The following ZDHHC14 variants were observed in gnomAD, a reference collection of about 807,000 sequenced individuals.
ZDHHC14 encodes the protein palmitoyltransferase ZDHHC14.
ZDHHC14 carries 16 observed loss-of-function variants against 47.7 expected under a neutral mutation model. That is an observed-to-expected ratio of 0.34 (90% CI 0.23 to 0.51). The LOEUF is 0.51. ZDHHC14 is among the 20% of genes least tolerant of loss of function. The pLI is 0.97. For synonymous variants in ZDHHC14, 293 were observed against 278.9 expected (o/e 1.05, Z -0.50); for missense variants, 515 against 662.5 (o/e 0.78, Z 2.44).
intron 1 of ZDHHC14, among the ~76,000 whole-genome samples, chr6:157,410,433 A>G (rs938902439): frequency 2.0e-5 from 3 of 152,230 alleles, no homozygotes; most frequent in African/African-American, 7.2e-5. Flanking sequence ...TTCTGAATGA[A>G]AAAGTAAGAA....
chr6:157,485,462 C>A (rs368944058), intron 1 of ZDHHC14, among the ~76,000 whole-genome samples: 5 of 152,244 alleles, frequency 3.3e-5, no homozygotes, highest in Admixed American at 1.3e-4. Context: ...TTAGCCCAAA[C>A]GTGATTTCTT....
chr6:157,408,544 T>C (rs1777813425), intron 1 of ZDHHC14, among the ~76,000 whole-genome samples: 1 of 152,198 alleles, frequency 6.6e-6, no homozygotes, highest in South Asian at 2.1e-4. Flanking sequence ...AGTGAGAACA[T>C]GTGGTGTTCG....
At chr6:157,458,559 A>G (rs557406805) in intron 1 of ZDHHC14, among the ~76,000 whole-genome samples, 1 of 152,342 alleles carries the variant, frequency 6.6e-6, no homozygotes, top group African/African-American at 2.4e-5. Flanking sequence ...TTTTAAAGAA[A>G]TCGCAAAAGA....
chr6:157,514,658 C>T (rs1026097554), intron 1 of ZDHHC14, among the ~76,000 whole-genome samples: 4 of 152,222 alleles, frequency 2.6e-5, no homozygotes, highest in African/African-American at 9.6e-5. Flanking sequence ...AAGAGATGGA[C>T]CCCTTATTCC....
intron 3 of ZDHHC14, among the ~76,000 whole-genome samples, chr6:157,605,429 A>G (rs894682497): frequency 1.3e-5 from 2 of 152,224 alleles, no homozygotes; most frequent in African/African-American, 2.4e-5. Flanking sequence ...TTCCATTTTC[A>G]TAATACCATC....
chr6:157,527,617 G>A (rs1009531506), intron 1 of ZDHHC14, among the ~76,000 whole-genome samples: 5 of 152,270 alleles, frequency 3.3e-5, no homozygotes, highest in South Asian at 2.1e-4. Context: ...GCCACAGAGC[G>A]TATAGGCTCA....
intron 5 of ZDHHC14, among the ~76,000 whole-genome samples, chr6:157,634,073 G>A (rs1776846582): frequency 6.6e-6 from 1 of 152,110 alleles, no homozygotes; most frequent in Admixed American, 6.5e-5. Flanking sequence ...GAGGGATTTC[G>A]ATACATCTAA....
chr6:157,641,673 G>T (rs1243946432), intron 5 of ZDHHC14, among the ~76,000 whole-genome samples: 1 of 152,042 alleles, frequency 6.6e-6, no homozygotes, highest in Non-Finnish European at 1.5e-5. Context: ...TTTTTACACG[G>T]AAGTGTTTAT....
chr6:157,520,206 G>A (rs1001575372), intron 1 of ZDHHC14, among the ~76,000 whole-genome samples: 20 of 152,174 alleles, frequency 1.3e-4, no homozygotes, highest in African/African-American at 3.6e-4. Flanking sequence ...CAACCTGACT[G>A]CAGGGGAGGA....
At chr6:157,391,652 T>G (rs151119676) in intron 1 of ZDHHC14, among the ~76,000 whole-genome samples, 1,772 of 152,344 alleles carry the variant, frequency 0.012, 15 homozygotes, top group Non-Finnish European at 0.016. Context: ...CTCCTGTTTA[T>G]GGTGGATTCC....
At chr6:157,612,090 G>A (rs1343501618) in intron 3 of ZDHHC14, among the ~76,000 whole-genome samples, 1 of 152,172 alleles carries the variant, frequency 6.6e-6, no homozygotes, top group Non-Finnish European at 1.5e-5. Flanking sequence ...ACAGACGTGA[G>A]GGTCCTACCG....
rs1435340083 is a variant in ZDHHC14, at chr6:157,415,246, A to G, written c.245+32980A>G. Reference sequence around the variant, plus strand: ...CTAGGCTCTAAAAAGCTATTAAACAATATTGTAACTAATATTGTCATAACA... The same window carrying G: ...CTAGGCTCTAAAAAGCTATTAAACAGTATTGTAACTAATATTGTCATAACA... On this transcript the variant is annotated intron_variant, in intron 1 of 8. Coordinates refer to ENST00000359775, the MANE Select transcript of ZDHHC14 (RefSeq NM_024630.3). Among the ~76,000 whole-genome samples the G allele has an allele frequency of 3.9e-5, 6 of 152,306 alleles. No homozygotes were observed. In the East Asian group the frequency reaches 1.2e-3, roughly 29 times the overall value.
At chr6:157,599,493 G>C (rs1380463882) in intron 3 of ZDHHC14, among the ~76,000 whole-genome samples, 1 of 152,208 alleles carries the variant, frequency 6.6e-6, no homozygotes, top group African/African-American at 2.4e-5. Context: ...CGAAGGTGGC[G>C]ACTGCCCCAC....
intron 3 of ZDHHC14, 34 bp downstream of exon 3, chr6:157,593,180 C>T: frequency 6.3e-7 from 1 of 1,582,534 alleles, no homozygotes; most frequent in South Asian, 1.2e-5. Flanking sequence ...TGGCGGGAGC[C>T]CGGGTCCTCC....
intron 3 of ZDHHC14, among the ~76,000 whole-genome samples, chr6:157,594,722 A>G (rs1325055236): frequency 6.6e-6 from 1 of 152,194 alleles, no homozygotes; most frequent in Non-Finnish European, 1.5e-5. Flanking sequence ...GGGTTTCTAC[A>G]AGGTTTCTAC....
At chr6:157,527,690 C>G (rs576881129) in intron 1 of ZDHHC14, among the ~76,000 whole-genome samples, 1 of 152,292 alleles carries the variant, frequency 6.6e-6, no homozygotes, top group South Asian at 2.1e-4. Flanking sequence ...TTTTTGACCT[C>G]AAGTTTCACA....
chr6:157,604,904 A>G (rs1784475827), intron 3 of ZDHHC14, among the ~76,000 whole-genome samples: 2 of 152,236 alleles, frequency 1.3e-5, no homozygotes, highest in South Asian at 4.1e-4. Flanking sequence ...CCCAGAATTG[A>G]AATTGGCTTC....
chr6:157,577,343 A>G (rs1238615867), intron 2 of ZDHHC14, among the ~76,000 whole-genome samples: 1 of 152,140 alleles, frequency 6.6e-6, no homozygotes, highest in African/African-American at 2.4e-5. Context: ...ATGTGTCCTT[A>G]TGGTAGAATG....
chr6:157,630,552 T>C, intron 4 of ZDHHC14: 1 of 147,088 alleles, frequency 6.8e-6, no homozygotes. Context: ...ACCCACACTC[T>C]CACATACCCT....
Sources: gnomAD v4.1 joint callset for allele counts (sites outside exome capture counted in the v4.1 genomes callset) on GRCh38, gnomAD v4.1.1 for gene constraint, MANE v1.5 for transcripts, NCBI Gene and HGNC (gene_info 2026-07-23, HGNC 2026-07-21) for gene names.